RANBP2: variants seen among roughly 807,000 people sequenced by gnomAD.
RANBP2 encodes the protein E3 SUMO-protein ligase RanBP2.
RANBP2 carries 57 observed loss-of-function variants against 303.6 expected under a neutral mutation model. The ratio of observed to expected loss-of-function variants is 0.19; its 90% CI spans 0.15 to 0.23. RANBP2 has a LOEUF of 0.23. Ranked by LOEUF, RANBP2 falls within the 10% of genes least tolerant of loss-of-function variation. The pLI is 1.00. For synonymous variants in RANBP2, 1,167 were observed against 1,301.5 expected, an observed-to-expected ratio of 0.90 and a Z score of 2.23; for missense variants, 3,138 against 3,780.8, an observed-to-expected ratio of 0.83 and a Z score of 4.46.
chr2:109,765,943 G>C, the RANBP2 span, among the ~76,000 whole-genome samples: 5 of 150,464 alleles, frequency 3.3e-5, 1 homozygote, highest in East Asian at 1.0e-3. Flanking sequence ...CTTTCCTCCA[G>C]CTGCAGTAAA....
chr2:109,430,383 C>T, the RANBP2 span, among the ~76,000 whole-genome samples: 1 of 152,186 alleles, frequency 6.6e-6, no homozygotes, highest in Non-Finnish European at 1.5e-5. Flanking sequence ...TCCAAGTCCT[C>T]CCTGCACTCT....
chr2:109,036,964 TGAGAC>T, the RANBP2 span, among the ~76,000 whole-genome samples: 1 of 152,180 alleles, frequency 6.6e-6, no homozygotes, highest in East Asian at 1.9e-4. Flanking sequence ...GCCAACATGG[TGAGAC>T]CTCGTCTCTA....
chr2:108,825,943 T>C, the RANBP2 span, among the ~76,000 whole-genome samples: 1 of 152,210 alleles, frequency 6.6e-6, no homozygotes, highest in African/African-American at 2.4e-5. Context: ...TTAAAATTTT[T>C]GTCATCTCAG....
chr2:109,241,407 G>C, the RANBP2 span, among the ~76,000 whole-genome samples: 2 of 152,220 alleles, frequency 1.3e-5, no homozygotes, highest in East Asian at 3.8e-4. Flanking sequence ...TATGGGTATA[G>C]ATGCATTGGG....
chr2:108,748,949 A>G lies in RANBP2; in HGVS notation c.1093A>G (p.Lys365Glu). The part of the protein sequence containing the change: ...GHMLLNLSRG[K>E]QDFLKEIVET... ...CATGTTGCTAAACTTAAGTCGTGGC[A>G]AGCAAGATTTTTTAAAAGAGATTGT... Residue 365 changes from lysine to glutamate, a missense_variant, in exon 9 of 29, where the codon AAG (lysine) becomes GAG (glutamate). By Grantham distance (56) the Lys-to-Glu change is moderately conservative. Coordinates refer to ENST00000283195, the MANE Select transcript of RANBP2 (RefSeq NM_006267.5). 6.2e-7 allele frequency: 1 copy of G among 1,612,018 alleles called. No homozygotes were observed. The highest frequency in any genetic ancestry group is 1.3e-5 in the African/African-American group (1 of 74,988).
chr2:109,377,769 T>G, the RANBP2 span, among the ~76,000 whole-genome samples: 4 of 152,214 alleles, frequency 2.6e-5, no homozygotes, highest in South Asian at 2.1e-4. Context: ...CCTTGGTTGA[T>G]GCAGCAACAT....
the RANBP2 span, among the ~76,000 whole-genome samples, chr2:108,963,483 A>C: frequency 1.1e-4 from 17 of 152,304 alleles, no homozygotes; most frequent in African/African-American, 3.8e-4. Flanking sequence ...GAGATAATAC[A>C]GAGAGATCCC....
At chr2:109,438,977 ACGGTGAGTCAGCAT>A in the RANBP2 span, among the ~76,000 whole-genome samples, 3 of 152,168 alleles carry the variant, frequency 2.0e-5, no homozygotes, top group Non-Finnish European at 2.9e-5. Flanking sequence ...CCCACTCATC[ACGGTGAGTCAGCAT>A]CCCAGTGCAG....
At chr2:109,531,016 G>A in the RANBP2 span, among the ~76,000 whole-genome samples, 1 of 152,102 alleles carries the variant, frequency 6.6e-6, no homozygotes, top group Non-Finnish European at 1.5e-5. Flanking sequence ...AGGAGGCTGG[G>A]CTTGATGTCC....
At chr2:109,041,905 C>T in the RANBP2 span, among the ~76,000 whole-genome samples, 1 of 151,886 alleles carries the variant, frequency 6.6e-6, no homozygotes, top group Non-Finnish European at 1.5e-5. Context: ...ATTATATGTT[C>T]TCCTTTATTC....
chr2:109,014,230 A>G, the RANBP2 span, among the ~76,000 whole-genome samples: 1 of 152,232 alleles, frequency 6.6e-6, no homozygotes, highest in Non-Finnish European at 1.5e-5. Flanking sequence ...CCATTACTTT[A>G]GGAAAATGGA....
the RANBP2 span, among the ~76,000 whole-genome samples, chr2:109,517,272 T>G: frequency 8.5e-5 from 13 of 152,118 alleles, no homozygotes; most frequent in African/African-American, 2.9e-4. Flanking sequence ...ATGACTTCAG[T>G]GCCCCTTTGT....
At chr2:109,574,466 AT>A in the RANBP2 span, 16 of 573,066 alleles carry the variant, frequency 2.8e-5, no homozygotes, top group Admixed American at 9.6e-5. Context: ...AAAAAAAAAA[AT>A]TTAAAAAAGA....
the RANBP2 span, among the ~76,000 whole-genome samples, chr2:108,905,909 G>C: frequency 6.8e-6 from 1 of 146,020 alleles, no homozygotes. Context: ...ATGCTCGAGG[G>C]CAGGGAGAGG....
the RANBP2 span, among the ~76,000 whole-genome samples, chr2:109,601,897 C>T: frequency 4.6e-5 from 7 of 152,040 alleles, no homozygotes; most frequent in African/African-American, 9.7e-5. Context: ...GTTAGCCTAC[C>T]GCAGCATAAG....
chr2:109,545,904 A>G, the RANBP2 span: 1 of 1,435,060 alleles, frequency 7.0e-7, no homozygotes, highest in Non-Finnish European at 9.3e-7. Flanking sequence ...AAGAGGGACA[A>G]GGTCTCTCCT....
the RANBP2 span, among the ~76,000 whole-genome samples, chr2:109,107,838 C>T: frequency 9.5e-4 from 144 of 152,264 alleles, no homozygotes; most frequent in African/African-American, 3.4e-3. Context: ...CGGGTTCCAG[C>T]GATTCTCCTG....
the RANBP2 span, among the ~76,000 whole-genome samples, chr2:109,209,795 A>G: frequency 6.6e-6 from 1 of 152,218 alleles, no homozygotes; most frequent in African/African-American, 2.4e-5. Flanking sequence ...TAGAATGACA[A>G]ATTGGACACT....
the RANBP2 span, chr2:108,876,151 A>G: frequency 1.2e-6 from 2 of 1,611,964 alleles, no homozygotes; most frequent in Admixed American, 1.7e-5. Context: ...TACAAAGGAC[A>G]ACAAACCCAG....
Sources: allele counts gnomAD v4.1 joint callset (sites outside exome capture counted in the v4.1 genomes callset), GRCh38; gene constraint gnomAD v4.1.1; transcripts MANE v1.5; gene names NCBI Gene and HGNC (gene_info 2026-07-23, HGNC 2026-07-21).